BCL7A: variants seen among roughly 807,000 people sequenced by gnomAD.
BCL7A encodes the protein B-cell CLL/lymphoma 7 protein family member A.
In BCL7A, 11 loss-of-function variants were observed where a neutral mutation model predicts 28.4. The observed-to-expected ratio is 0.39, with a 90% CI of 0.24 to 0.64. BCL7A has a LOEUF of 0.64. Among genes scored for constraint, BCL7A ranks in the 30% least tolerant of loss-of-function variants. The pLI, the probability that BCL7A is intolerant of heterozygous loss-of-function variation, is 0.50. For missense variants in BCL7A, 222 were observed against 274.8 expected, an observed-to-expected ratio of 0.81 and a Z score of 1.36; for synonymous variants, 123 against 103.3, an observed-to-expected ratio of 1.19 and a Z score of -1.15.
rs1003916335 is a variant in BCL7A at position 122,060,477 on chromosome 12, C to T, written c.*1314C>T. 12 of 233,280 alleles carry T rather than the reference C, an allele frequency of 5.1e-5. No individual in the cohort carries two copies. The highest frequency in any genetic ancestry group is 3.9e-4 in the Admixed American group (7 of 17,776). The allele number at this position is 233,280 out of a possible 1,614,324, so 14.5% of individuals were successfully genotyped here. A position where few individuals can be genotyped will look rare whatever the true frequency, so the allele number is the denominator to read the frequency against. On this transcript the variant is annotated 3_prime_UTR_variant, in exon 6 of 6. Transcript: ENST00000261822. The stretch of plus-strand genomic sequence containing the variant: ...CCCCCACCTTCGCTGGAACAGCTTC[C>T]TCTCACTGAACGGAGACGCCCCCTT...
At chr12:122,043,735 C>CAA (rs58278577) in intron 3 of BCL7A, 151 bp from the exon 4 acceptor site, 5,476 of 611,266 alleles carry the variant, frequency 9.0e-3, no homozygotes, top group South Asian at 0.02. Flanking sequence ...AGATCCGTCT[C>CAA]AAAAAAAAAA....
Position 122,042,795 on chromosome 12 carries a change from C to T in BCL7A, c.272-1091C>T, listed in dbSNP as rs1216947169. 2.0e-5 allele frequency among the ~76,000 whole-genome samples: 3 copies of T among 152,136 alleles called. No homozygotes were observed. The East Asian group carries it at 5.8e-4, about 29-fold the overall frequency. On this transcript the variant is annotated intron_variant, in intron 3 of 5. Transcript: ENST00000261822. ...ATAGCATGCATTGCTGAAAATATGA[C>T]GTTTCTACATACCCACTGTCCCATG...
chr12:122,022,912 C>T, intron 1 of BCL7A, among the ~76,000 whole-genome samples: 1 of 152,182 alleles, frequency 6.6e-6, no homozygotes, highest in South Asian at 2.1e-4. Context: ...GGGCGGGGGG[C>T]TCGGGCCAGC....
In BCL7A at chr12:122,032,928, C is replaced by T. The variant is rs1264735329; in HGVS notation, c.174+2147C>T. Among the ~76,000 whole-genome samples the T allele has an allele frequency of 2.6e-5, 4 of 152,304 alleles. No homozygotes were observed. In the East Asian group the frequency reaches 7.7e-4, roughly 29 times the overall value. On this transcript the variant is annotated intron_variant, in intron 2 of 5. Coordinates refer to ENST00000261822, the MANE Select transcript of BCL7A (RefSeq NM_001024808.3). Reference sequence around the variant, plus strand: ...AGATGCAGATTCCTGGGCCCATCACCAGCCGCTGAGTCTCTGCAGGTTGAG... The same window carrying T: ...AGATGCAGATTCCTGGGCCCATCACTAGCCGCTGAGTCTCTGCAGGTTGAG...
At chr12:122,024,211 C>T (rs1883557009) in intron 1 of BCL7A, among the ~76,000 whole-genome samples, 1 of 152,334 alleles carries the variant, frequency 6.6e-6, no homozygotes, top group Admixed American at 6.5e-5. Flanking sequence ...CCTCTGAAGA[C>T]CTCAGGCTTT....
chr12:122,056,904 G>A (rs1370132056), intron 5 of BCL7A, among the ~76,000 whole-genome samples: 1 of 152,192 alleles, frequency 6.6e-6, no homozygotes, highest in Non-Finnish European at 1.5e-5. Flanking sequence ...AGGGGCTCAT[G>A]TCACTGTCTC....
intron 5 of BCL7A, among the ~76,000 whole-genome samples, chr12:122,056,727 G>A (rs1378374906): frequency 6.6e-6 from 1 of 152,110 alleles, no homozygotes; most frequent in Non-Finnish European, 1.5e-5. Context: ...GATTGCTTGA[G>A]CCTGAGAGTT....
At chr12:122,030,004 C>G (rs1883707530) in intron 1 of BCL7A, among the ~76,000 whole-genome samples, 1 of 152,180 alleles carries the variant, frequency 6.6e-6, no homozygotes, top group African/African-American at 2.4e-5. Context: ...GGGGTCTGGA[C>G]TCCGTCCTTC....
At position 122,021,925 on chromosome 12, in the gene BCL7A, T is replaced by TGCAC; in HGVS notation, c.-166_-165insCACG. ...GCGGCGGCCCCGGGCTTTGTGTGTGTGTGTATGTGTGTGTGTGTGTGTGTG... is the reference window on the plus strand; with the variant it reads ...GCGGCGGCCCCGGGCTTTGTGTGTGTGCACGTGTATGTGTGTGTGTGTGTGTGTG... On this transcript the variant is annotated 5_prime_UTR_variant, in exon 1 of 6. Coordinates refer to ENST00000261822, the MANE Select transcript of BCL7A (RefSeq NM_001024808.3). The TGCAC allele has an allele frequency of 2.4e-6, 1 of 409,102 alleles. No homozygotes were observed. The highest frequency in any genetic ancestry group is 4.1e-6 in the Non-Finnish European group (1 of 244,942). The allele number at this position is 409,102 out of a possible 1,614,324, so 25.3% of individuals were successfully genotyped here.
Position 122,050,984 on chromosome 12 carries a change from T to C in BCL7A, c.440-3821T>C, listed in dbSNP as rs928752528. Among the ~76,000 whole-genome samples, 25 of 152,200 alleles carry C rather than the reference T, an allele frequency of 1.6e-4. 1 individual carries two copies. Among genetic ancestry groups the C allele is most frequent in the Non-Finnish European group, 7.3e-5 (5 of 68,036 alleles). ...TTCCCAAGGACGGACATGGGCTTCG[T>C]GTGCAGCCGCGTTCCTGCTTCTTTC... On this transcript the variant is annotated intron_variant, in intron 4 of 5. Coordinates refer to ENST00000261822, the MANE Select transcript of BCL7A (RefSeq NM_001024808.3).
chr12:122,040,733 G>A (rs76098818), intron 3 of BCL7A, among the ~76,000 whole-genome samples: 2,034 of 152,062 alleles, frequency 0.013, 51 homozygotes, highest in African/African-American at 0.047. Flanking sequence ...GGTGTGGGCC[G>A]GGCAAGTTTT....
At chr12:122,035,278 G>A (rs1227951320) in intron 2 of BCL7A, 53 bp from the exon 3 acceptor site, 22 of 1,512,892 alleles carry the variant, frequency 1.5e-5, no homozygotes, top group Non-Finnish European at 1.7e-5. Context: ...CTGAGCACGT[G>A]TGCGCACACA....
At chr12:122,043,735 CAA>C (rs58278577) in intron 3 of BCL7A, 149 bp from the exon 4 acceptor site, 1,365 of 616,034 alleles carry the variant, frequency 2.2e-3, no homozygotes, top group South Asian at 3.8e-3. Flanking sequence ...AGATCCGTCT[CAA>C]AAAAAAAAAA....
At chr12:122,033,337 CAG>C (rs1390224445) in intron 2 of BCL7A, among the ~76,000 whole-genome samples, 14 of 151,916 alleles carry the variant, frequency 9.2e-5, no homozygotes, top group African/African-American at 3.1e-4. Flanking sequence ...TTTTTTGAGA[CAG>C]AGTCTCACTC....
intron 1 of BCL7A, among the ~76,000 whole-genome samples, chr12:122,025,579 A>C (rs2135837954): frequency 6.6e-6 from 1 of 151,594 alleles, no homozygotes; most frequent in South Asian, 2.1e-4. Context: ...GTGAGCGGAG[A>C]TTGCGCCACC....
intron 2 of BCL7A, among the ~76,000 whole-genome samples, chr12:122,031,382 T>G (rs1883741564): frequency 6.6e-6 from 1 of 152,118 alleles, no homozygotes; most frequent in Admixed American, 6.5e-5. Flanking sequence ...CACTGTGTTT[T>G]GGGGCAGGTG....
rs148420981 is a variant in BCL7A at position 122,034,778 on chromosome 12, G to C, written c.175-553G>C. Among the ~76,000 whole-genome samples, 47 of 151,642 alleles carry C rather than the reference G, an allele frequency of 3.1e-4. No homozygotes were observed. The East Asian group carries it at 5.0e-3, about 16-fold the overall frequency. On this transcript the variant is annotated intron_variant, in intron 2 of 5. Coordinates refer to ENST00000261822, the MANE Select transcript of BCL7A (RefSeq NM_001024808.3). ...AAAGAAAAAAGGAATGGCACGAAAAGCATCCCCATCCTCCCTCCTTTCTCC... is the reference window on the plus strand; with the variant it reads ...AAAGAAAAAAGGAATGGCACGAAAACCATCCCCATCCTCCCTCCTTTCTCC...
At chr12:122,035,551 A>C in intron 3 of BCL7A, 124 bp downstream of exon 3, 2 of 820,308 alleles carry the variant, frequency 2.4e-6, no homozygotes, top group Non-Finnish European at 1.9e-6. Flanking sequence ...AGGGCTGGGC[A>C]GGGCCCGGCG....
rs1951925376 is a variant in BCL7A, at chr12:122,061,754, C to T, written c.*2591C>T. The T allele has an allele frequency of 4.3e-6, 1 of 231,080 alleles. No homozygotes were observed. Among genetic ancestry groups the T allele is most frequent in the Non-Finnish European group, 8.6e-6 (1 of 116,442 alleles). 14.3% of individuals were successfully genotyped at this position (231,080 alleles called of 1,614,324 possible). ...CTGCGGCTACACATTCCACAAAGTG[C>T]TGGCACTTACACCCACAACCCGGAA... On this transcript the variant is annotated 3_prime_UTR_variant, in exon 6 of 6. Transcript: ENST00000261822.
Sources: allele counts gnomAD v4.1 joint callset (sites outside exome capture counted in the v4.1 genomes callset), GRCh38; gene constraint gnomAD v4.1.1; transcripts MANE v1.5; gene names NCBI Gene and HGNC (gene_info 2026-07-23, HGNC 2026-07-21).